Variants in PHF20 observed in about 807,000 individuals in gnomAD.
PHF20 encodes the protein PHD finger protein 20.
In PHF20, 23 loss-of-function variants were observed where a neutral mutation model predicts 113.5. That is an observed-to-expected ratio of 0.20 (90% CI 0.15 to 0.29). PHF20 has a LOEUF of 0.29. Among genes scored for constraint, PHF20 ranks in the 10% least tolerant of loss-of-function variants. The pLI is 1.00. For missense variants in PHF20, 943 were observed against 1,219.6 expected, an observed-to-expected ratio of 0.77 and a Z score of 3.38; for synonymous variants, 434 against 457.3, an observed-to-expected ratio of 0.95 and a Z score of 0.65.
At chr20:35,851,829 C>T (rs183418144) in intron 4 of PHF20, among the ~76,000 whole-genome samples, 1,552 of 151,890 alleles carry the variant, frequency 0.01, 67 homozygotes, top group Admixed American at 0.072. Flanking sequence ...ACAGAAGAAT[C>T]GCTTGAACTC....
intron 9 of PHF20, among the ~76,000 whole-genome samples, chr20:35,896,765 C>T (rs1401092783): frequency 1.4e-5 from 2 of 147,400 alleles, no homozygotes; most frequent in African/African-American, 5.0e-5. Flanking sequence ...CTCACCATTG[C>T]ACTCCAGCCT....
chr20:35,919,432 C>T (rs560072212), intron 13 of PHF20, among the ~76,000 whole-genome samples: 13 of 151,726 alleles, frequency 8.6e-5, no homozygotes, highest in Middle Eastern at 3.4e-3. Flanking sequence ...CTCTGCCTCC[C>T]GGGTTCAAGC....
intron 2 of PHF20, among the ~76,000 whole-genome samples, chr20:35,806,116 G>T (rs2041876458): frequency 6.6e-6 from 1 of 150,834 alleles, no homozygotes; most frequent in Non-Finnish European, 1.5e-5. Context: ...GCCCTCCTCA[G>T]CTTCCCAAAG....
At chr20:35,907,822 G>C in intron 10 of PHF20, among the ~76,000 whole-genome samples, 1 of 152,152 alleles carries the variant, frequency 6.6e-6, no homozygotes, top group South Asian at 2.1e-4. Flanking sequence ...TGTCATTGCT[G>C]GATTTAAGTC....
chr20:35,925,873 A>C (rs1168328076), intron 13 of PHF20, among the ~76,000 whole-genome samples: 1 of 151,974 alleles, frequency 6.6e-6, no homozygotes. Flanking sequence ...CTATAATCCC[A>C]GCACTTTGGG....
intron 12 of PHF20, among the ~76,000 whole-genome samples, chr20:35,916,384 A>G (rs2055403834): frequency 6.6e-6 from 1 of 152,230 alleles, no homozygotes; most frequent in South Asian, 2.1e-4. Flanking sequence ...TGTGATTATA[A>G]CTAATCAGGC....
chr20:35,866,299 A>C (rs2054319930), intron 6 of PHF20, among the ~76,000 whole-genome samples: 1 of 152,236 alleles, frequency 6.6e-6, no homozygotes, highest in South Asian at 2.1e-4. Flanking sequence ...CTTTATGTTC[A>C]CTGGCTTTCT....
chr20:35,912,559 C>T (rs564440824), intron 10 of PHF20, among the ~76,000 whole-genome samples: 8 of 152,192 alleles, frequency 5.3e-5, no homozygotes, highest in South Asian at 2.1e-4. Flanking sequence ...TGGCTGGATG[C>T]GGTGGCTCAC....
At chr20:35,779,903 C>A (rs944490159) in intron 1 of PHF20, among the ~76,000 whole-genome samples, 2 of 152,136 alleles carry the variant, frequency 1.3e-5, no homozygotes, top group African/African-American at 4.8e-5. Flanking sequence ...GGGCATTTTA[C>A]AATAATGATA....
In PHF20 at chr20:35,947,443, G is replaced by A. The variant is rs764029338; in HGVS notation, c.2897-42G>A. The A allele has an allele frequency of 4.4e-6, 7 of 1,598,922 alleles. No homozygotes were observed. In the South Asian group the frequency reaches 7.7e-5, roughly 18 times the overall value. On this transcript the variant is annotated intron_variant, in intron 17 of 17. Coordinates refer to ENST00000374012, the MANE Select transcript of PHF20 (RefSeq NM_016436.5). Reference sequence around the variant, plus strand: ...TTGCTGATGTTCTTGCAAATCAAGTGTTGGGAGTTCACTAGGTCTCATCTC... The same window carrying A: ...TTGCTGATGTTCTTGCAAATCAAGTATTGGGAGTTCACTAGGTCTCATCTC...
chr20:35,930,094 A>T (rs2055723332), intron 14 of PHF20, among the ~76,000 whole-genome samples: 1 of 152,238 alleles, frequency 6.6e-6, no homozygotes, highest in Non-Finnish European at 1.5e-5. Flanking sequence ...CCTGTAACAA[A>T]TAGGATGGCT....
In PHF20 at chr20:35,804,437, G is replaced by A. The variant is rs533339432; in HGVS notation, c.83+2832G>A. 1.4e-4 allele frequency among the ~76,000 whole-genome samples: 21 copies of A among 151,852 alleles called. No homozygotes were observed. The East Asian group carries it at 3.5e-3, about 25-fold the overall frequency. ...TTTTTTAGTAGAGACGGGGTTTCACGGTGTTAGCCAGGATGGTTGCGATCT... is the reference window on the plus strand; with the variant it reads ...TTTTTTAGTAGAGACGGGGTTTCACAGTGTTAGCCAGGATGGTTGCGATCT... On this transcript the variant is annotated intron_variant, in intron 2 of 17. Transcript: ENST00000374012.
At chr20:35,784,266 CTG>C (rs1485576770) in intron 1 of PHF20, among the ~76,000 whole-genome samples, 1 of 151,702 alleles carries the variant, frequency 6.6e-6, no homozygotes, top group African/African-American at 2.4e-5. Flanking sequence ...ATTAGCCAGG[CTG>C]GTCTTGAACT....
At chr20:35,848,038 A>G (rs2042654101) in intron 4 of PHF20, among the ~76,000 whole-genome samples, 1 of 152,138 alleles carries the variant, frequency 6.6e-6, no homozygotes, top group South Asian at 2.1e-4. Flanking sequence ...CACCTGGAGA[A>G]TAGAGTCTGG....
chr20:35,812,300 G>A (rs894515085), intron 2 of PHF20, among the ~76,000 whole-genome samples: 2 of 151,760 alleles, frequency 1.3e-5, no homozygotes, highest in African/African-American at 4.8e-5. Flanking sequence ...TTATTTTTAT[G>A]TCTCTTTAGT....
chr20:35,830,648 C>CT lies in PHF20; in HGVS notation c.84-11917dup, dbSNP rs924861359. Among the ~76,000 whole-genome samples, 4 of 151,504 alleles carry CT rather than the reference C, an allele frequency of 2.6e-5. No homozygotes were observed. The South Asian group carries it at 6.3e-4, about 24-fold the overall frequency. ...ACCCAGAAGTGGAATTGCTGCAGTG[C>CT]TTTTTTTTCTTTTTCACATCAACTT... On this transcript the variant is annotated intron_variant, in intron 2 of 17. Transcript: ENST00000374012.
rs2042567449 is a variant in PHF20, at chr20:35,843,506, A to C, written c.255+762A>C. Among the ~76,000 whole-genome samples, 3 of 136,500 alleles carry C rather than the reference A, an allele frequency of 2.2e-5. No homozygotes were observed. The Admixed American group carries it at 2.4e-4, about 11-fold the overall frequency. 89.5% of individuals were successfully genotyped at this position (136,500 alleles called of 152,430 possible). On this transcript the variant is annotated intron_variant, in intron 3 of 17. Transcript: ENST00000374012. ...CACTCCACTCCAGCCCGGGTGACAGAGTGATATTCCATCTCAAAAAAAAAA... is the reference window on the plus strand; with the variant it reads ...CACTCCACTCCAGCCCGGGTGACAGCGTGATATTCCATCTCAAAAAAAAAA...
At chr20:35,775,040 A>G (rs146289190) in intron 1 of PHF20, 121 of 152,346 alleles carry the variant, frequency 7.9e-4, no homozygotes, top group African/African-American at 2.7e-3. Flanking sequence ...CTAATAAAAT[A>G]TAGTATACTG....
intron 2 of PHF20, among the ~76,000 whole-genome samples, chr20:35,823,414 A>C (rs1300138055): frequency 6.7e-6 from 1 of 150,202 alleles, no homozygotes; most frequent in Non-Finnish European, 1.5e-5. Flanking sequence ...AAGCCTAAGC[A>C]ACATAATGGG....
Sources: gnomAD v4.1 joint callset for allele counts (sites outside exome capture counted in the v4.1 genomes callset) on GRCh38, gnomAD v4.1.1 for gene constraint, MANE v1.5 for transcripts, NCBI Gene and HGNC (gene_info 2026-07-23, HGNC 2026-07-21) for gene names.